CHAT: variants seen among roughly 807,000 people sequenced by gnomAD.
CHAT encodes choline O-acetyltransferase.
Under a neutral mutation model 76.9 loss-of-function variants are expected in CHAT, and 61 were observed. That is an observed-to-expected ratio of 0.79 (90% CI 0.65 to 0.98). The LOEUF is 0.98. Among genes scored for constraint, CHAT ranks in the 50% least tolerant of loss-of-function variants. The probability of loss-of-function intolerance (pLI) is 0.00; values close to 1 mark genes in which losing one functional copy is unlikely to be tolerated. For synonymous variants in CHAT, 407 were observed against 397.4 expected, an observed-to-expected ratio of 1.02 and a Z score of -0.29; for missense variants, 946 against 986.9, an observed-to-expected ratio of 0.96 and a Z score of 0.56.
chr10:49,660,076 C>T (rs1368347230), intron 13 of CHAT, among the ~76,000 whole-genome samples: 7 of 152,226 alleles, frequency 4.6e-5, no homozygotes, highest in African/African-American at 1.7e-4. Context: ...GATCAAACTA[C>T]AAAGAGTTAA....
In CHAT at chr10:49,662,716, G is replaced by A. The variant is rs749133071; in HGVS notation, c.1911G>A (p.Glu637=). 6.2e-7 allele frequency: 1 copy of A among 1,614,222 alleles called. No individual in the cohort carries two copies. The highest frequency in any genetic ancestry group is 1.7e-5 in the Admixed American group (1 of 60,028). Residue 637 remains glutamate (E), a synonymous_variant, in exon 14 of 15, where the codon GAG becomes GAA. Transcript: ENST00000337653. Reference sequence around the variant, plus strand: ...AGCTGGCCCGGGCCATGTGCAAGGAGCTGCCCGAGATGTTCATGGATGAAA... The same window carrying A: ...AGCTGGCCCGGGCCATGTGCAAGGAACTGCCCGAGATGTTCATGGATGAAA... The part of the protein sequence containing the change: ...LRELARAMCK[E]LPEMFMDETY...
intron 4 of CHAT, 98 bp downstream of exon 4, chr10:49,620,711 G>C (rs150939879): frequency 1.0e-6 from 1 of 961,514 alleles, no homozygotes; most frequent in Non-Finnish European, 1.7e-6. Context: ...CTGGAGCCTC[G>C]GCTGAGCTTC....
rs1840363497 is a variant in CHAT at position 49,667,531 on chromosome 10, T to C, written c.*2485T>C. 6.6e-6 allele frequency among the ~76,000 whole-genome samples: 1 copy of C among 152,052 alleles called. No individual in the cohort carries two copies. Among genetic ancestry groups the C allele is most frequent in the African/African-American group, 2.4e-5 (1 of 41,390 alleles). Reference sequence around the variant, plus strand: ...TGAGGAAGAGGCTGGAAGCTGGTCTTCCCCCTCCAAGAATACACGGGTGCA... The same window carrying C: ...TGAGGAAGAGGCTGGAAGCTGGTCTCCCCCCTCCAAGAATACACGGGTGCA... On this transcript the variant is annotated 3_prime_UTR_variant, in exon 15 of 15. Transcript: ENST00000337653.
At chr10:49,624,504 G>A (rs534498700) in intron 5 of CHAT, among the ~76,000 whole-genome samples, 3 of 152,284 alleles carry the variant, frequency 2.0e-5, no homozygotes, top group African/African-American at 7.2e-5. Flanking sequence ...TCCTGTCCCT[G>A]CCAACACTCT....
At chr10:49,654,762 C>T (rs890862539) in intron 11 of CHAT, among the ~76,000 whole-genome samples, 4 of 152,220 alleles carry the variant, frequency 2.6e-5, no homozygotes, top group Non-Finnish European at 4.4e-5. Context: ...TTATTCCATT[C>T]TGTGCTGTTC....
intron 7 of CHAT, among the ~76,000 whole-genome samples, chr10:49,639,598 CAT>C (rs1839414050): frequency 1.3e-5 from 2 of 151,384 alleles, no homozygotes; most frequent in East Asian, 3.9e-4. Context: ...TGTATAGATA[CAT>C]GTGTATATAT....
rs181240351 is a variant in CHAT, at chr10:49,658,385, C to T, written c.1839+2937C>T. 2.3e-3 allele frequency among the ~76,000 whole-genome samples: 344 copies of T among 152,274 alleles called. 4 individuals are homozygous for T. Among genetic ancestry groups the T allele is most frequent in the African/African-American group, 7.3e-3 (302 of 41,546 alleles). ...ACAAAAAATTAGCCAGGCGTGGTTG[C>T]ACATGCCTGCAATCCCAGCTACTCG... On this transcript the variant is annotated intron_variant, in intron 13 of 14. Coordinates refer to ENST00000337653, the MANE Select transcript of CHAT (RefSeq NM_020549.5).
At chr10:49,625,691 G>T in intron 6 of CHAT, 38 bp downstream of exon 6, 1 of 1,536,604 alleles carries the variant, frequency 6.5e-7, no homozygotes, top group Non-Finnish European at 8.8e-7. Flanking sequence ...AGGGCACAGA[G>T]CATACAGTGG....
chr10:49,633,247 G>A (rs1275633821), intron 7 of CHAT, among the ~76,000 whole-genome samples: 1 of 152,182 alleles, frequency 6.6e-6, no homozygotes, highest in Admixed American at 6.5e-5. Flanking sequence ...GGGACAGAGT[G>A]GGGCCAAGGA....
intron 1 of CHAT, 148 bp downstream of exon 1, chr10:49,614,623 G>A (rs1838415112): frequency 1.4e-6 from 1 of 726,118 alleles, no homozygotes; most frequent in East Asian, 2.7e-5. Flanking sequence ...GGCCGTCGGG[G>A]GTCAGCTAGG....
At chr10:49,638,902 C>A (rs1264241475) in intron 7 of CHAT, among the ~76,000 whole-genome samples, 1 of 152,114 alleles carries the variant, frequency 6.6e-6, no homozygotes, top group African/African-American at 2.4e-5. Flanking sequence ...TCTTGATATT[C>A]CAATGTTTCT....
At chr10:49,625,733 GGGGCTCA>G (rs1838897925) in intron 6 of CHAT, 80 bp downstream of exon 6, 1 of 1,435,732 alleles carries the variant, frequency 7.0e-7, no homozygotes, top group Admixed American at 2.0e-5. Context: ...CTTCTCCGAG[GGGGCTCA>G]GCCTCCTTCC....
intron 13 of CHAT, among the ~76,000 whole-genome samples, chr10:49,659,129 G>A (rs917954914): frequency 1.3e-5 from 2 of 152,162 alleles, no homozygotes; most frequent in Non-Finnish European, 2.9e-5. Flanking sequence ...CCATAAAAAA[G>A]ATGTAATTAA....
chr10:49,639,272 A>G (rs921451360), intron 7 of CHAT, among the ~76,000 whole-genome samples: 3 of 151,920 alleles, frequency 2.0e-5, no homozygotes, highest in Non-Finnish European at 4.4e-5. Flanking sequence ...ACAAAAAAAC[A>G]CTTTATTTAG....
Position 49,614,420 on chromosome 10 carries a change from C to T in CHAT, c.231C>T (p.His77=). The T allele has an allele frequency of 1.9e-6, 3 of 1,547,514 alleles. No homozygotes were observed. The South Asian group carries it at 3.6e-5, about 18-fold the overall frequency. The part of the protein sequence containing the change: ...PPPLPAHTPA[H]TPEWCGAASA... ...CCCTTCCGGCTCACACCCCCGCCCA[C>T]ACTCCTGAGTGGTGCGGTGCAGCGT... The change falls in exon 1 of 15, where the codon CAC becomes CAT. Residue 77 remains histidine (H), a synonymous_variant. Transcript: ENST00000337653.
chr10:49,645,468 C>G (rs544861309), intron 7 of CHAT, among the ~76,000 whole-genome samples: 2 of 152,354 alleles, frequency 1.3e-5, no homozygotes, highest in East Asian at 3.9e-4. Flanking sequence ...TGTGTACCCC[C>G]ACACCCAGTA....
chr10:49,617,146 C>T (rs1388037537), intron 2 of CHAT, among the ~76,000 whole-genome samples: 1 of 152,204 alleles, frequency 6.6e-6, no homozygotes, highest in Non-Finnish European at 1.5e-5. Flanking sequence ...TTCCCCTCTC[C>T]CACACTTGTC....
chr10:49,645,441 T>C (rs1296551915), intron 7 of CHAT, among the ~76,000 whole-genome samples: 1 of 152,184 alleles, frequency 6.6e-6, no homozygotes, highest in African/African-American at 2.4e-5. Context: ...TGGTGAACTT[T>C]AAACCAAGAG....
intron 5 of CHAT, 142 bp downstream of exon 5, chr10:49,622,292 C>A: frequency 1.1e-6 from 1 of 875,432 alleles, no homozygotes; most frequent in Non-Finnish European, 1.9e-6. Context: ...CCAACCCACT[C>A]CCCCACCATC....
Sources: allele counts gnomAD v4.1 joint callset (sites outside exome capture counted in the v4.1 genomes callset), GRCh38; gene constraint gnomAD v4.1.1; transcripts MANE v1.5; gene names NCBI Gene and HGNC (gene_info 2026-07-23, HGNC 2026-07-21).